The following PTPRD variants were observed in gnomAD, a reference collection of about 807,000 sequenced individuals.
PTPRD encodes protein tyrosine phosphatase receptor type D, also known as receptor-type tyrosine-protein phosphatase delta.
Under a neutral mutation model 214.5 loss-of-function variants are expected in PTPRD, and 34 were observed. The observed-to-expected ratio is 0.16, with a 90% CI of 0.12 to 0.21. PTPRD has a LOEUF of 0.21. Among genes scored for constraint, PTPRD ranks in the 10% least tolerant of loss-of-function variants. PTPRD has a pLI of 1.00. For synonymous variants in PTPRD, 1,128 were observed against 845.7 expected (o/e 1.33, Z -5.79); for missense variants, 2,545 against 2,398.7 (o/e 1.06, Z -1.27).
At chr9:10,470,068 G>T (rs1160192826) in intron 2 of PTPRD, among the ~76,000 whole-genome samples, 1 of 151,936 alleles carries the variant, frequency 6.6e-6, no homozygotes, top group Non-Finnish European at 1.5e-5. Flanking sequence ...CAAAATAGGG[G>T]GCTTATATTT....
chr9:10,111,069 G>A (rs1591447637), intron 3 of PTPRD, among the ~76,000 whole-genome samples: 1 of 152,044 alleles, frequency 6.6e-6, no homozygotes, highest in Admixed American at 6.5e-5. Flanking sequence ...TACATTCTTT[G>A]AGTTCCTGTG....
chr9:9,116,455 G>C (rs185623914), intron 10 of PTPRD, among the ~76,000 whole-genome samples: 3 of 152,130 alleles, frequency 2.0e-5, no homozygotes, highest in East Asian at 1.9e-4. Context: ...ATGGACATGA[G>C]AGAGTCAGAA....
chr9:9,884,971 C>T (rs1038500727), intron 5 of PTPRD, among the ~76,000 whole-genome samples: 10 of 151,934 alleles, frequency 6.6e-5, no homozygotes, highest in Non-Finnish European at 1.0e-4. Context: ...TGAGAACGGA[C>T]TAATACAAGG....
chr9:10,305,249 A>G lies in PTPRD; in HGVS notation c.-545+35714T>C, dbSNP rs1048127451. Among the ~76,000 whole-genome samples the G allele has an allele frequency of 2.0e-5, 3 of 152,150 alleles. No individual in the cohort carries two copies. In the East Asian group the frequency reaches 5.8e-4, roughly 29 times the overall value. ...ATCCCTTGCTTACACCTTATAGCAA[A>G]ATTAACTCAAGATGGATTAAAGACT... On this transcript the variant is annotated intron_variant, in intron 3 of 45. Transcript: ENST00000381196.
intron 14 of PTPRD, among the ~76,000 whole-genome samples, chr9:8,550,711 T>A (rs959093972): frequency 6.6e-6 from 1 of 152,208 alleles, no homozygotes; most frequent in Non-Finnish European, 1.5e-5. Context: ...ACTGATAGTA[T>A]AAAAGCTCAG....
chr9:8,556,010 T>C (rs374857014), intron 14 of PTPRD, among the ~76,000 whole-genome samples: 3 of 152,162 alleles, frequency 2.0e-5, no homozygotes, highest in Admixed American at 2.0e-4. Context: ...AAAAAATGTG[T>C]CTTGGCGGAT....
At chr9:8,671,231 C>T (rs1037707709) in intron 12 of PTPRD, among the ~76,000 whole-genome samples, 2 of 152,122 alleles carry the variant, frequency 1.3e-5, no homozygotes, top group Non-Finnish European at 2.9e-5. Context: ...CGATACTTCT[C>T]ATTTAATTTT....
At chr9:10,397,549 C>T (rs76059346) in intron 2 of PTPRD, among the ~76,000 whole-genome samples, 3,417 of 152,086 alleles carry the variant, frequency 0.022, 43 homozygotes, top group Non-Finnish European at 0.036. Flanking sequence ...GCACTGACAA[C>T]AAACAGCATT....
At chr9:9,031,563 C>A (rs382364) in intron 10 of PTPRD, among the ~76,000 whole-genome samples, 1 of 151,720 alleles carries the variant, frequency 6.6e-6, no homozygotes, top group Non-Finnish European at 1.5e-5. Flanking sequence ...GTGACTATGA[C>A]ATTAGGAGAG....
chr9:9,709,279 G>C (rs1442937757), intron 7 of PTPRD, among the ~76,000 whole-genome samples: 1 of 151,716 alleles, frequency 6.6e-6, no homozygotes, highest in African/African-American at 2.4e-5. Context: ...ATTATAAAAT[G>C]CCCAAAATTA....
In PTPRD at chr9:8,341,861, G is replaced by C. The variant is rs1372535276; in HGVS notation, c.4779C>G (p.Asn1593Lys). The change falls in exon 40 of 46, where the codon AAC becomes AAG. Residue 1593 changes from asparagine to lysine, a missense_variant. Asn to Lys is a moderately conservative substitution (Grantham distance 94). Coordinates refer to ENST00000381196, the MANE Select transcript of PTPRD (RefSeq NM_002839.4). ...GHVTLMRAQR[N>K]YMVQTEDQYI... Reference sequence around the variant, plus strand: ...ATTGGTCTTCTGTTTGAACCATATAGTTCCTCTGGGCTCTCATTAAAGTTA... The same window carrying C: ...ATTGGTCTTCTGTTTGAACCATATACTTCCTCTGGGCTCTCATTAAAGTTA... The C allele has an allele frequency of 6.2e-7, 1 of 1,613,346 alleles. No individual in the cohort carries two copies. Among genetic ancestry groups the C allele is most frequent in the Non-Finnish European group, 8.5e-7 (1 of 1,179,670 alleles).
intron 3 of PTPRD, among the ~76,000 whole-genome samples, chr9:10,310,085 A>G (rs1275480254): frequency 1.3e-5 from 2 of 152,070 alleles, no homozygotes; most frequent in Non-Finnish European, 2.9e-5. Context: ...TGTTTTATTA[A>G]CCAATTACTC....
At chr9:9,494,555 G>A (rs978310685) in intron 8 of PTPRD, among the ~76,000 whole-genome samples, 6 of 152,214 alleles carry the variant, frequency 3.9e-5, no homozygotes, top group African/African-American at 1.2e-4. Context: ...AAATTCAGTT[G>A]TACTTTTATA....
chr9:10,490,203 G>T (rs1466361981), intron 2 of PTPRD, among the ~76,000 whole-genome samples: 1 of 152,050 alleles, frequency 6.6e-6, no homozygotes, highest in Non-Finnish European at 1.5e-5. Flanking sequence ...CATTTAAATT[G>T]GTAGACAGGA....
Position 8,682,551 on chromosome 9 carries a change from A to G in PTPRD, c.65-45707T>C, listed in dbSNP as rs567752094. ...AAAACTATATGAAATTATAAAAAAC[A>G]TTTAAAAATAATTAACACCCTTTTT... On this transcript the variant is annotated intron_variant, in intron 12 of 45. Coordinates refer to ENST00000381196, the MANE Select transcript of PTPRD (RefSeq NM_002839.4). Among the ~76,000 whole-genome samples, 4 of 152,360 alleles carry G rather than the reference A, an allele frequency of 2.6e-5. No individual in the cohort carries two copies. In the South Asian group the frequency reaches 8.3e-4, roughly 32 times the overall value.
chr9:9,697,269 G>C (rs2097395825), intron 7 of PTPRD, among the ~76,000 whole-genome samples: 1 of 152,000 alleles, frequency 6.6e-6, no homozygotes, highest in African/African-American at 2.4e-5. Flanking sequence ...ACTTTTACAA[G>C]TGAACTTAAT....
chr9:10,028,442 G>C (rs1026599147), intron 4 of PTPRD, among the ~76,000 whole-genome samples: 3 of 152,112 alleles, frequency 2.0e-5, no homozygotes, highest in South Asian at 2.1e-4. Flanking sequence ...ACAGTTTGGA[G>C]GGCTCAGAAG....
At chr9:10,191,952 C>G (rs1441032138) in intron 3 of PTPRD, among the ~76,000 whole-genome samples, 1 of 152,108 alleles carries the variant, frequency 6.6e-6, no homozygotes. Flanking sequence ...GTCTGCAAAG[C>G]TGATGATGGT....
At chr9:9,413,119 T>TTTTTTTTTTTTTTTTA (rs2075984840) in intron 8 of PTPRD, among the ~76,000 whole-genome samples, 1 of 123,064 alleles carries the variant, frequency 8.1e-6, no homozygotes, top group Admixed American at 9.0e-5. Flanking sequence ...TTTTTTTTTT[T>TTTTTTTTTTTTTTTTA]TTTTTTGAGA....
Sources: gnomAD v4.1 joint callset for allele counts (sites outside exome capture counted in the v4.1 genomes callset) on GRCh38, gnomAD v4.1.1 for gene constraint, MANE v1.5 for transcripts, NCBI Gene and HGNC (gene_info 2026-07-23, HGNC 2026-07-21) for gene names.